VPS26B: variants seen among roughly 807,000 people sequenced by gnomAD.
VPS26B encodes VPS26 retromer complex component B.
A neutral mutation model predicts 33.3 loss-of-function variants in VPS26B; 10 were observed. That is an observed-to-expected ratio of 0.30 (90% CI 0.19 to 0.51). The LOEUF (loss-of-function observed/expected upper bound fraction) is 0.51, where lower values mean the gene tolerates loss of function less well. Among genes scored for constraint, VPS26B ranks in the 20% least tolerant of loss-of-function variants. The pLI is 0.98. For synonymous variants in VPS26B, 190 were observed against 176.9 expected (o/e 1.07, Z -0.59); for missense variants, 317 against 452.7 (o/e 0.70, Z 2.72).
At chr11:134,227,708 C>T (rs917110879) in intron 1 of VPS26B, among the ~76,000 whole-genome samples, 1 of 152,182 alleles carries the variant, frequency 6.6e-6, no homozygotes, top group Non-Finnish European at 1.5e-5. Flanking sequence ...CTCTCTGGGC[C>T]TCGGCTTTCT....
intron 1 of VPS26B, among the ~76,000 whole-genome samples, chr11:134,229,713 C>A (rs1241488558): frequency 6.6e-6 from 1 of 152,200 alleles, no homozygotes; most frequent in Non-Finnish European, 1.5e-5. Context: ...CTGTTTGTAG[C>A]AGCTTCCTAA....
chr11:134,228,985 G>T (rs543398018), intron 1 of VPS26B, among the ~76,000 whole-genome samples: 1 of 152,118 alleles, frequency 6.6e-6, no homozygotes, highest in African/African-American at 2.4e-5. Flanking sequence ...CCTGTCACTT[G>T]CTGTGGCAAT....
intron 2 of VPS26B, chr11:134,236,213 C>T (rs899896420): frequency 9.2e-5 from 14 of 152,214 alleles, no homozygotes; most frequent in Admixed American, 5.2e-4. Context: ...AGGTCTAAGA[C>T]TGACATTACA....
chr11:134,241,522 C>G (rs1938725330), intron 3 of VPS26B, among the ~76,000 whole-genome samples: 1 of 152,176 alleles, frequency 6.6e-6, no homozygotes, highest in Admixed American at 6.5e-5. Flanking sequence ...ACAGGTTCTC[C>G]CCCTTTCTCC....
rs1008777558 is a variant in VPS26B at position 134,247,509 on chromosome 11, TTC to T, written c.*1921_*1922del. ...TCAGGCGCTGTGCACAAGCCAGGTC[TTC>T]TGTTTTCTCTTTCTTACTCTACCCA... is the stretch of plus-strand genomic sequence containing the variant. On this transcript the variant is annotated 3_prime_UTR_variant, in exon 6 of 6. Coordinates refer to ENST00000281187, the MANE Select transcript of VPS26B (RefSeq NM_052875.5). 2 of 152,486 alleles carry T rather than the reference TTC, an allele frequency of 1.3e-5. No individual in the cohort carries two copies. The highest frequency in any genetic ancestry group is 2.9e-5 in the Non-Finnish European group (2 of 68,034). The allele number at this position is 152,486 out of a possible 1,614,324, so 9.4% of individuals were successfully genotyped here.
intron 1 of VPS26B, among the ~76,000 whole-genome samples, chr11:134,230,798 T>C (rs1287016722): frequency 1.3e-5 from 2 of 152,248 alleles, no homozygotes; most frequent in African/African-American, 4.8e-5. Flanking sequence ...TATTCACTTA[T>C]GTGGTGGACG....
At position 134,242,907 on chromosome 11, in the gene VPS26B, G is replaced by A. The variant is rs143057364; in HGVS notation, c.546-212G>A. On this transcript the variant is annotated intron_variant, in intron 3 of 5. Transcript: ENST00000281187. The stretch of plus-strand genomic sequence containing the variant: ...ACCATGCAGGAGAGACGTCCTTTGC[G>A]TGGGATGTGGAAGGGACAGAAGCTA... Among the ~76,000 whole-genome samples the A allele has an allele frequency of 8.1e-3, 1,229 of 152,344 alleles. 17 individuals are homozygous for A. Among genetic ancestry groups the A allele is most frequent in the Non-Finnish European group, 0.013 (892 of 68,028 alleles).
rs1242151391 is a variant in VPS26B at position 134,225,353 on chromosome 11, G to C, written c.223+8G>C. On this transcript the variant is annotated splice_region_variant and intron_variant, in intron 1 of 5. Coordinates refer to ENST00000281187, the MANE Select transcript of VPS26B (RefSeq NM_052875.5). ...AGTTCATCGGGCAGATCGGTGAGTC[G>C]ACCCCCGGGACCCCCTCCCCCAGCG... is the stretch of plus-strand genomic sequence containing the variant. 6.2e-7 allele frequency: 1 copy of C among 1,612,550 alleles called. No individual in the cohort carries two copies. The highest frequency in any genetic ancestry group is 2.2e-5 in the East Asian group (1 of 44,800).
Position 134,225,381 on chromosome 11 carries a change from G to A in VPS26B, c.223+36G>A, listed in dbSNP as rs774103149. 1.9e-6 allele frequency: 3 copies of A among 1,606,856 alleles called. No homozygotes were observed. The South Asian group carries it at 3.3e-5, about 18-fold the overall frequency. ...CCCCGGGACCCCCTCCCCCAGCGCC[G>A]ACAGCCGGCCGGGGAGCAGGGTGAT... On this transcript the variant is annotated intron_variant, in intron 1 of 5. Transcript: ENST00000281187.
rs774675974 is a variant in VPS26B at position 134,244,713 on chromosome 11, T to C, written c.722-225T>C. ...GCTGTTCCCACTCAGTTGCTCTCTG[T>C]TTTCGAGAAGACATGAGAAGCTGCA... On this transcript the variant is annotated intron_variant, in intron 4 of 5. Coordinates refer to ENST00000281187, the MANE Select transcript of VPS26B (RefSeq NM_052875.5). The surrounding 1 kb of genome is among the most constrained non-coding windows in gnomAD (Gnocchi z 4.0). The C allele has an allele frequency of 4.1e-4, 219 of 537,460 alleles. 1 individual carries two copies. Among genetic ancestry groups the C allele is most frequent in the Non-Finnish European group, 5.5e-4 (168 of 307,412 alleles). The allele number at this position is 537,460 out of a possible 1,614,324, so 33.3% of individuals were successfully genotyped here.
At chr11:134,234,316 C>T (rs1445823083) in intron 1 of VPS26B, among the ~76,000 whole-genome samples, 2 of 152,152 alleles carry the variant, frequency 1.3e-5, no homozygotes, top group Non-Finnish European at 2.9e-5. Context: ...CACACAGAGC[C>T]TTGTGAAGTA....
In VPS26B at chr11:134,247,320, A is replaced by C. The variant is rs1160342560; in HGVS notation, c.*1730A>C. 1 of 152,196 alleles carries C rather than the reference A, an allele frequency of 6.6e-6. No individual in the cohort carries two copies. Among genetic ancestry groups the C allele is most frequent in the African/African-American group, 2.4e-5 (1 of 41,436 alleles). The allele number at this position is 152,196 out of a possible 1,614,324, so 9.4% of individuals were successfully genotyped here. On this transcript the variant is annotated 3_prime_UTR_variant, in exon 6 of 6. Coordinates refer to ENST00000281187, the MANE Select transcript of VPS26B (RefSeq NM_052875.5). The stretch of plus-strand genomic sequence containing the variant: ...GGGTTCCTTGCCTTTTCAGAGCATG[A>C]GGTCAGGCTCTGTATCCCTCCTTTT...
At chr11:134,242,565 C>A (rs938238716) in intron 3 of VPS26B, among the ~76,000 whole-genome samples, 2 of 152,248 alleles carry the variant, frequency 1.3e-5, no homozygotes, top group Non-Finnish European at 2.9e-5. Flanking sequence ...CAATGTGGCT[C>A]ACTTCGTAAC....
rs79542540 is a variant in VPS26B, at chr11:134,230,658, C to A, written c.224-4239C>A. On this transcript the variant is annotated intron_variant, in intron 1 of 5. Transcript: ENST00000281187. ...CTTTCTTTCCTCACACTCTTCTGTG[C>A]CAAGTTGAAACTGATATCCCCTTGT... is the stretch of plus-strand genomic sequence containing the variant. Among the ~76,000 whole-genome samples the A allele has an allele frequency of 1.1e-3, 164 of 152,330 alleles. 2 individuals are homozygous for A. In the East Asian group the frequency reaches 0.024, roughly 23 times the overall value.
chr11:134,241,488 G>A (rs567877597), intron 3 of VPS26B, among the ~76,000 whole-genome samples: 1 of 152,194 alleles, frequency 6.6e-6, no homozygotes, highest in Non-Finnish European at 1.5e-5. Context: ...GTGGGAGGGA[G>A]GCTGATCTGG....
At chr11:134,235,839 G>T (rs954748169) in intron 2 of VPS26B, 1 of 152,182 alleles carries the variant, frequency 6.6e-6, no homozygotes, top group Non-Finnish European at 1.5e-5. Context: ...AGACTGTTAG[G>T]TGTAAACTTG....
chr11:134,243,016 G>A (rs1392428662), intron 3 of VPS26B, 103 bp from the exon 4 acceptor site: 1 of 1,154,028 alleles, frequency 8.7e-7, no homozygotes, highest in East Asian at 2.4e-5. Context: ...CCTGCAACTG[G>A]ACGTTTAACC....
rs1938711183 is a variant in VPS26B at position 134,240,802 on chromosome 11, T to TCC, written c.545+647_545+648insCC. On this transcript the variant is annotated intron_variant, in intron 3 of 5. Transcript: ENST00000281187. The surrounding 1 kb of genome is among the most constrained non-coding windows in gnomAD (Gnocchi z 4.4). ...GTGTGTGTGTGTGTGTCCGTGTGTG[T>TCC]GTGTGTGTGTGTGTGTGTGTGTGTG... Among the ~76,000 whole-genome samples, 1 of 144,074 alleles carries TCC rather than the reference T, an allele frequency of 6.9e-6. No homozygotes were observed. The highest frequency in any genetic ancestry group is 2.5e-5 in the African/African-American group (1 of 40,522). 94.5% of individuals were successfully genotyped at this position (144,074 alleles called of 152,430 possible).
At position 134,243,126 on chromosome 11, in the gene VPS26B, T is replaced by C. The variant is rs202237845; in HGVS notation, c.553T>C (p.Leu185=). The change falls in exon 4 of 6, where the codon TTG becomes CTG. Residue 185 remains leucine (L), a synonymous_variant. Coordinates refer to ENST00000281187, the MANE Select transcript of VPS26B (RefSeq NM_052875.5). ...GTACTTTCTGTTCCCCAGATACCACTTGAAAGATGTCATTGTAGGGAAGAT... is the reference window on the plus strand; with the variant it reads ...GTACTTTCTGTTCCCCAGATACCACCTGAAAGATGTCATTGTAGGGAAGAT... ...EFEYNKSKYH[L]KDVIVGKIYF... is the part of the protein sequence containing the mutation. The C allele has an allele frequency of 6.2e-7, 1 of 1,614,196 alleles. No homozygotes were observed. Among genetic ancestry groups the C allele is most frequent in the East Asian group, 2.2e-5 (1 of 44,880 alleles).
Sources: gnomAD v4.1 joint callset for allele counts (sites outside exome capture counted in the v4.1 genomes callset) on GRCh38, gnomAD v4.1.1 for gene constraint, Gnocchi (gnomAD v3.1) non-coding constraint, MANE v1.5 for transcripts, NCBI Gene and HGNC (gene_info 2026-07-23, HGNC 2026-07-21) for gene names.